Variants in BACE1 observed in about 807,000 individuals in gnomAD.
BACE1 encodes beta-secretase 1.
A neutral mutation model predicts 54.0 loss-of-function variants in BACE1; 21 were observed. The observed-to-expected ratio is 0.39, with a 90% CI of 0.28 to 0.56. The LOEUF (loss-of-function observed/expected upper bound fraction) is 0.56, where lower values mean the gene tolerates loss of function less well. BACE1 is among the 20% of genes least tolerant of loss of function. The probability of loss-of-function intolerance (pLI) is 0.63; values close to 1 mark genes in which losing one functional copy is unlikely to be tolerated. For synonymous variants in BACE1, 232 were observed against 260.9 expected, an observed-to-expected ratio of 0.89 and a Z score of 1.07; for missense variants, 511 against 661.2, an observed-to-expected ratio of 0.77 and a Z score of 2.49.
intron 2 of BACE1, among the ~76,000 whole-genome samples, chr11:117,296,071 T>C (rs1222357129): frequency 6.6e-6 from 1 of 152,138 alleles, no homozygotes; most frequent in African/African-American, 2.4e-5. Flanking sequence ...GAAGGTGCGT[T>C]TTGCAGCTGC....
intron 1 of BACE1, among the ~76,000 whole-genome samples, chr11:117,303,014 A>G (rs2034757883): frequency 6.6e-6 from 1 of 152,222 alleles, no homozygotes; most frequent in African/African-American, 2.4e-5. Context: ...GGTGCCTAGC[A>G]ATAATGTTTC....
At chr11:117,297,924 C>T (rs778322875) in intron 1 of BACE1, among the ~76,000 whole-genome samples, 16 of 152,190 alleles carry the variant, frequency 1.1e-4, no homozygotes, top group Non-Finnish European at 2.4e-4. Flanking sequence ...GGCCCTCTGA[C>T]AGCCGACTCA....
At chr11:117,306,648 A>AAT (rs1028683732) in intron 1 of BACE1, among the ~76,000 whole-genome samples, 7 of 151,956 alleles carry the variant, frequency 4.6e-5, no homozygotes, top group Admixed American at 6.6e-5. Context: ...TCTCTACCAA[A>AAT]ATATATATAT....
chr11:117,315,460 A>G lies in BACE1; in HGVS notation c.261+75T>C. The stretch of plus-strand genomic sequence containing the variant: ...CCACCAGCCCATTTGAGCAGGGGCT[A>G]GCTTGAGGCATCCCCATCCTGTCTC... On this transcript the variant is annotated intron_variant, in intron 1 of 8. Coordinates refer to ENST00000313005, the MANE Select transcript of BACE1 (RefSeq NM_012104.6). This position sits in a 1 kb window ranked among gnomAD's most constrained non-coding sequence, Gnocchi z 5.5. The G allele has an allele frequency of 6.6e-7, 1 of 1,525,410 alleles. No individual in the cohort carries two copies. 94.5% of individuals were successfully genotyped at this position (1,525,410 alleles called of 1,614,324 possible).
At chr11:117,297,154 G>A in intron 1 of BACE1, 193 bp from the exon 2 acceptor site, 2 of 545,062 alleles carry the variant, frequency 3.7e-6, no homozygotes, top group Non-Finnish European at 6.4e-6. Flanking sequence ...CTGTGGTGCT[G>A]CAGGGGCCAA....
At chr11:117,306,667 C>A (rs142093337) in intron 1 of BACE1, among the ~76,000 whole-genome samples, 2 of 151,978 alleles carry the variant, frequency 1.3e-5, no homozygotes, top group Non-Finnish European at 2.9e-5. Context: ...ATAAATTAGC[C>A]GGGTGTGGTT....
At chr11:117,298,268 C>T (rs975915073) in intron 1 of BACE1, among the ~76,000 whole-genome samples, 5 of 151,924 alleles carry the variant, frequency 3.3e-5, no homozygotes, top group Non-Finnish European at 7.4e-5. Flanking sequence ...CACCACTGCA[C>T]TCCGGCCTGG....
intron 1 of BACE1, among the ~76,000 whole-genome samples, chr11:117,299,097 C>T (rs1320822578): frequency 2.6e-5 from 4 of 152,152 alleles, no homozygotes; most frequent in African/African-American, 4.8e-5. Context: ...CCATGCCCGG[C>T]CTCTAGCATC....
chr11:117,314,615 G>A (rs563402536), intron 1 of BACE1: 12 of 152,588 alleles, frequency 7.9e-5, no homozygotes, highest in East Asian at 1.9e-4. Context: ...GCCCGGGCCC[G>A]GACTGCCCCA....
rs1422781860 is a variant in BACE1, at chr11:117,289,544, T to G, written c.*22A>C. Reference sequence around the variant, plus strand: ...CGGAGGTGTGGTCCAGGGGAATCTCTATCTTCTGCCCATGGGCCTCCTCAC... The same window carrying G: ...CGGAGGTGTGGTCCAGGGGAATCTCGATCTTCTGCCCATGGGCCTCCTCAC... On this transcript the variant is annotated 3_prime_UTR_variant, in exon 9 of 9. Transcript: ENST00000313005. 1 of 1,612,710 alleles carries G rather than the reference T, an allele frequency of 6.2e-7. No individual in the cohort carries two copies. Among genetic ancestry groups the G allele is most frequent in the African/African-American group, 1.3e-5 (1 of 75,032 alleles).
Position 117,286,752 on chromosome 11 carries a change from G to A in BACE1, c.*2814C>T, listed in dbSNP as rs1240366347. The A allele has an allele frequency of 6.6e-6, 1 of 152,592 alleles. No individual in the cohort carries two copies. Among genetic ancestry groups the A allele is most frequent in the African/African-American group, 2.4e-5 (1 of 41,418 alleles). The allele number at this position is 152,592 out of a possible 1,614,324, so 9.5% of individuals were successfully genotyped here. On this transcript the variant is annotated 3_prime_UTR_variant, in exon 9 of 9. Coordinates refer to ENST00000313005, the MANE Select transcript of BACE1 (RefSeq NM_012104.6). ...TCAGTTTAAGGAGCTGGACTTCCTGGGACCTCCTTGGCATCTTGTAGGGTG... is the reference window on the plus strand; with the variant it reads ...TCAGTTTAAGGAGCTGGACTTCCTGAGACCTCCTTGGCATCTTGTAGGGTG...
At position 117,293,897 on chromosome 11, in the gene BACE1, C is replaced by G. The variant is rs2034525999; in HGVS notation, c.679G>C (p.Val227Leu). The change falls in exon 4 of 9, where the codon GTG (valine) becomes CTG (leucine). Residue 227 changes from valine to leucine, a missense_variant. Transcript: ENST00000313005. The surrounding 1 kb of genome is among the most constrained non-coding windows in gnomAD (Gnocchi z 4.1). ...ATGCTCCCTCCGACAGAGGCCAGCA[C>G]TTCAGACTGGTTGAGGGGGAAGCCA... ...GAGFPLNQSE[V>L]LASVGGSMII... 1.9e-6 allele frequency: 3 copies of G among 1,613,714 alleles called. No individual in the cohort carries two copies. Among genetic ancestry groups the G allele is most frequent in the African/African-American group, 1.3e-5 (1 of 74,894 alleles).
chr11:117,313,762 G>A (rs1251763039), intron 1 of BACE1, among the ~76,000 whole-genome samples: 4 of 152,258 alleles, frequency 2.6e-5, no homozygotes, highest in African/African-American at 9.6e-5. Flanking sequence ...CAGGACATCC[G>A]AGTTTTTATG....
rs957490769 is a variant in BACE1, at chr11:117,315,109, A to G, written c.261+426T>C. ...TTCCTTGGTCCTGGAGGTACTGGGA[A>G]CAATGGTGGGAATCAGAGGAGGGGA... On this transcript the variant is annotated intron_variant, in intron 1 of 8. Transcript: ENST00000313005. This position sits in a 1 kb window ranked among gnomAD's most constrained non-coding sequence, Gnocchi z 5.5. Among the ~76,000 whole-genome samples the G allele has an allele frequency of 3.9e-5, 6 of 152,162 alleles. No individual in the cohort carries two copies. The highest frequency in any genetic ancestry group is 1.4e-4 in the African/African-American group (6 of 41,452).
At chr11:117,289,886 C>A (rs902022163) in intron 8 of BACE1, 79 bp from the exon 9 acceptor site, 19 of 1,304,350 alleles carry the variant, frequency 1.5e-5, no homozygotes, top group Non-Finnish European at 2.0e-5. Context: ...GATAGTGAGG[C>A]CTTGAAATTA....
Position 117,315,176 on chromosome 11 carries a change from G to T in BACE1, c.261+359C>A, listed in dbSNP as rs28917236. On this transcript the variant is annotated intron_variant, in intron 1 of 8. Coordinates refer to ENST00000313005, the MANE Select transcript of BACE1 (RefSeq NM_012104.6). This position sits in a 1 kb window ranked among gnomAD's most constrained non-coding sequence, Gnocchi z 5.5. Reference sequence around the variant, plus strand: ...ACCTCTAGAGTGGTGGGATTTGGGAGACTCGGACTGGGCCACTGTCAGAGG... The same window carrying T: ...ACCTCTAGAGTGGTGGGATTTGGGATACTCGGACTGGGCCACTGTCAGAGG... Among the ~76,000 whole-genome samples the T allele has an allele frequency of 0.021, 3,158 of 152,294 alleles. 101 individuals are homozygous for T. Among genetic ancestry groups the T allele is most frequent in the South Asian group, 0.13 (648 of 4,826 alleles).
At chr11:117,294,898 A>T (rs898364958) in intron 3 of BACE1, among the ~76,000 whole-genome samples, 3 of 151,832 alleles carry the variant, frequency 2.0e-5, no homozygotes, top group African/African-American at 4.8e-5. Context: ...AAAAAAAAAG[A>T]TCTTAAGAGT....
rs1020378771 is a variant in BACE1, at chr11:117,315,806, G to T, written c.-11C>A. ...CAGGGCTTGGGCCATGGTGGGCCCCGGCCTTCGGGCCCTCTGGGCTCGCAC... is the reference window on the plus strand; with the variant it reads ...CAGGGCTTGGGCCATGGTGGGCCCCTGCCTTCGGGCCCTCTGGGCTCGCAC... On this transcript the variant is annotated 5_prime_UTR_variant, in exon 1 of 9. Transcript: ENST00000313005. The surrounding 1 kb of genome is among the most constrained non-coding windows in gnomAD (Gnocchi z 5.5). 8.6e-6 allele frequency: 12 copies of T among 1,397,260 alleles called. 1 individual carries two copies. The highest frequency in any genetic ancestry group is 1.1e-5 in the Non-Finnish European group (12 of 1,084,878). The allele number at this position is 1,397,260 out of a possible 1,614,324, so 86.6% of individuals were successfully genotyped here. A position where few individuals can be genotyped will look rare whatever the true frequency, so the allele number is the denominator to read the frequency against.
At chr11:117,296,586 C>G (rs995229684) in intron 2 of BACE1, among the ~76,000 whole-genome samples, 2 of 152,104 alleles carry the variant, frequency 1.3e-5, no homozygotes, top group Non-Finnish European at 1.5e-5. Context: ...TAAGATTGTT[C>G]TGTGAGCTAT....
Sources: gnomAD v4.1 joint callset for allele counts (sites outside exome capture counted in the v4.1 genomes callset) on GRCh38, gnomAD v4.1.1 for gene constraint, Gnocchi (gnomAD v3.1) non-coding constraint, MANE v1.5 for transcripts, NCBI Gene and HGNC (gene_info 2026-07-23, HGNC 2026-07-21) for gene names.